Variants in PPFIA2 observed in about 807,000 individuals in gnomAD.
The protein encoded by PPFIA2 is liprin-alpha-2.
PPFIA2 carries 46 observed loss-of-function variants against 175.5 expected under a neutral mutation model. That is an observed-to-expected ratio of 0.26 (90% confidence interval 0.21 to 0.34). PPFIA2 has a LOEUF of 0.34. Ranked by LOEUF, PPFIA2 falls within the 10% of genes least tolerant of loss-of-function variation. PPFIA2 has a pLI of 1.00. For missense variants in PPFIA2, 1,179 were observed against 1,506.1 expected (o/e 0.78, Z 3.60); for synonymous variants, 568 against 511.4 (o/e 1.11, Z -1.49).
intron 4 of PPFIA2, among the ~76,000 whole-genome samples, chr12:81,668,972 T>C (rs888946702): frequency 6.6e-6 from 1 of 152,070 alleles, no homozygotes; most frequent in Non-Finnish European, 1.5e-5. Flanking sequence ...TAAATACTTA[T>C]TGAAGGCATA....
Position 81,353,237 on chromosome 12 carries a change from C to A in PPFIA2, c.1876G>T (p.Asp626Tyr), listed in dbSNP as rs775177787. 6.2e-7 allele frequency: 1 copy of A among 1,613,758 alleles called. No individual in the cohort carries two copies. Among genetic ancestry groups the A allele is most frequent in the Non-Finnish European group, 8.5e-7 (1 of 1,179,770 alleles). The change falls in exon 17 of 33, where the codon GAT (aspartate) becomes TAT (tyrosine). Residue 626 changes from aspartate to tyrosine, a missense_variant. Around this residue, in one of 10 missense-constraint regions of PPFIA2, gnomAD observed 186 missense variants for 163.6 expected, o/e 1.14. Coordinates refer to ENST00000549396, the MANE Select transcript of PPFIA2 (RefSeq NM_003625.5). ...GAGCTAAAAATTGTTTCTCTGTCAT[C>A]ATCATCAATATCAGACATTTCAGTG... ...SDTEMSDIDDDDRETIFSSMD... is the reference protein window; with the variant it reads ...SDTEMSDIDDYDRETIFSSMD...
At chr12:81,517,285 G>C (rs914365479) in intron 4 of PPFIA2, among the ~76,000 whole-genome samples, 1 of 151,970 alleles carries the variant, frequency 6.6e-6, no homozygotes, top group East Asian at 1.9e-4. Flanking sequence ...AAAGCTACCC[G>C]GCAGAACAAG....
rs375871635 is a variant in PPFIA2 at position 81,642,699 on chromosome 12, TGTATATG to T, written c.303+34085_303+34091del. ...TGTATGTATCTATTATATACATACA[TGTATATG>T]TATGTATGTATTATATACATACATG... On this transcript the variant is annotated intron_variant, in intron 4 of 32. Transcript: ENST00000549396. Among the ~76,000 whole-genome samples the T allele has an allele frequency of 6.8e-3, 16 of 2,368 alleles. 5 individuals carry two copies. Among genetic ancestry groups the T allele is most frequent in the Admixed American group, 0.033 (10 of 302 alleles). The allele number at this position is 2,368 out of a possible 152,430, so 1.6% of individuals were successfully genotyped here. A position where few individuals can be genotyped will look rare whatever the true frequency, so the allele number is the denominator to read the frequency against.
rs918803204 is a variant in PPFIA2, at chr12:81,338,594, T to C, written c.2548+586A>G. ...AGAGTTTATTAGGGGGAAGCTATGA[T>C]AGTTTTAAGCAAAAAAAAATCATGT... On this transcript the variant is annotated intron_variant, in intron 21 of 32. Coordinates refer to ENST00000549396, the MANE Select transcript of PPFIA2 (RefSeq NM_003625.5). 9.2e-5 allele frequency among the ~76,000 whole-genome samples: 9 copies of C among 97,730 alleles called. No individual in the cohort carries two copies. The Admixed American group carries it at 9.7e-4, about 11-fold the overall frequency. 64.1% of individuals were successfully genotyped at this position (97,730 alleles called of 152,430 possible).
chr12:81,414,604 T>G (rs2044602592), intron 7 of PPFIA2, among the ~76,000 whole-genome samples: 2 of 151,644 alleles, frequency 1.3e-5, no homozygotes, highest in African/African-American at 4.8e-5. Context: ...TAACAAAGAT[T>G]CTTTTCATCT....
chr12:81,646,421 A>G (rs2066087579), intron 4 of PPFIA2, among the ~76,000 whole-genome samples: 1 of 152,126 alleles, frequency 6.6e-6, no homozygotes, highest in Non-Finnish European at 1.5e-5. Flanking sequence ...CTGGAGGAGA[A>G]CTATGAAGTT....
chr12:81,734,193 C>G, intron 3 of PPFIA2, among the ~76,000 whole-genome samples: 1 of 151,804 alleles, frequency 6.6e-6, no homozygotes. Flanking sequence ...GAGTTTGTCT[C>G]TAACCCCAGG....
At chr12:81,579,010 G>T (rs1378395076) in intron 4 of PPFIA2, among the ~76,000 whole-genome samples, 1 of 151,638 alleles carries the variant, frequency 6.6e-6, no homozygotes, top group Non-Finnish European at 1.5e-5. Flanking sequence ...TACAATATTA[G>T]AATAAGATTG....
At chr12:81,648,265 G>A (rs1466525360) in intron 4 of PPFIA2, among the ~76,000 whole-genome samples, 1 of 151,740 alleles carries the variant, frequency 6.6e-6, no homozygotes, top group Non-Finnish European at 1.5e-5. Context: ...GAATAGAAAA[G>A]AACTTGCTCA....
chr12:81,675,746 C>G (rs1160176501), intron 4 of PPFIA2: 1 of 151,978 alleles, frequency 6.6e-6, no homozygotes, highest in Non-Finnish European at 1.5e-5. Context: ...AATATACTTT[C>G]TGGGTTGACT....
chr12:81,579,959 T>C (rs1033336902), intron 4 of PPFIA2, among the ~76,000 whole-genome samples: 7 of 151,790 alleles, frequency 4.6e-5, no homozygotes, highest in Admixed American at 3.3e-4. Context: ...AGTTCGAGAA[T>C]CACTGTAACA....
At chr12:81,682,776 C>T (rs774383363) in intron 3 of PPFIA2, among the ~76,000 whole-genome samples, 9 of 152,044 alleles carry the variant, frequency 5.9e-5, no homozygotes, top group Non-Finnish European at 1.0e-4. Flanking sequence ...CCCTATTGTG[C>T]CCACCACATC....
intron 3 of PPFIA2, among the ~76,000 whole-genome samples, chr12:81,725,389 T>C (rs2079931471): frequency 6.6e-6 from 1 of 150,774 alleles, no homozygotes; most frequent in Admixed American, 6.6e-5. Context: ...CTAATAAATT[T>C]AGAAAAGAAA....
At chr12:81,632,530 T>C (rs1036699598) in intron 4 of PPFIA2, among the ~76,000 whole-genome samples, 3 of 152,196 alleles carry the variant, frequency 2.0e-5, no homozygotes, top group Non-Finnish European at 4.4e-5. Flanking sequence ...ATCAAGTCCA[T>C]ATATACATGT....
chr12:81,740,986 CTT>C (rs5799553), intron 3 of PPFIA2, among the ~76,000 whole-genome samples: 5 of 151,944 alleles, frequency 3.3e-5, no homozygotes, highest in Admixed American at 2.6e-4. Context: ...TATTCATACA[CTT>C]TTTTTTGTGT....
intron 4 of PPFIA2, among the ~76,000 whole-genome samples, chr12:81,654,052 A>G (rs2067411094): frequency 6.6e-6 from 1 of 152,026 alleles, no homozygotes; most frequent in African/African-American, 2.4e-5. Flanking sequence ...CATATACTCA[A>G]AAAAAGCCAG....
chr12:81,647,692 T>C (rs750359502), intron 4 of PPFIA2, among the ~76,000 whole-genome samples: 3 of 149,886 alleles, frequency 2.0e-5, no homozygotes. Context: ...ACCGGGGTGG[T>C]GGAGCTTGCA....
chr12:81,348,842 T>C (rs1490652260), intron 17 of PPFIA2, among the ~76,000 whole-genome samples: 1 of 152,180 alleles, frequency 6.6e-6, no homozygotes, highest in African/African-American at 2.4e-5. Context: ...TTGTATGTTG[T>C]TATAATGAAA....
At chr12:81,369,512 G>T in intron 11 of PPFIA2, 1 of 913,280 alleles carries the variant, frequency 1.1e-6, no homozygotes, top group Non-Finnish European at 1.4e-6. Flanking sequence ...GCACTGAACT[G>T]CACAGATGGT....
Sources: allele counts gnomAD v4.1 joint callset (sites outside exome capture counted in the v4.1 genomes callset), GRCh38; gene constraint gnomAD v4.1.1; regional missense constraint gnomAD v4.1.1; transcripts MANE v1.5; gene names NCBI Gene and HGNC (gene_info 2026-07-23, HGNC 2026-07-21).